Variants in ARHGAP6 observed in about 807,000 individuals in gnomAD.
The protein encoded by ARHGAP6 is rho GTPase-activating protein 6.
ARHGAP6 carries 16 observed loss-of-function variants against 55.7 expected under a neutral mutation model. The ratio of observed to expected loss-of-function variants is 0.29; its 90% confidence interval spans 0.19 to 0.44. The LOEUF is 0.44. Among genes scored for constraint, ARHGAP6 ranks in the 20% least tolerant of loss-of-function variants. The pLI is 1.00. For synonymous variants in ARHGAP6, 382 were observed against 360.9 expected, an observed-to-expected ratio of 1.06 and a Z score of -0.66; for missense variants, 698 against 808.9, an observed-to-expected ratio of 0.86 and a Z score of 1.66.
intron 1 of ARHGAP6, among the ~76,000 whole-genome samples, chrX:11,573,182 T>C (rs1271324371): frequency 9.0e-6 from 1 of 110,685 alleles, no homozygotes; most frequent in African/African-American, 3.3e-5. Flanking sequence ...AGAAGCTCTT[T>C]AGTTTAATTA....
chrX:11,577,705 G>A (rs1486614988), intron 1 of ARHGAP6, among the ~76,000 whole-genome samples: 1 of 111,644 alleles, frequency 9.0e-6, no homozygotes, highest in Non-Finnish European at 1.9e-5. Context: ...CCAGAATGGT[G>A]GTGTTGGTTG....
chrX:11,399,018 T>C (rs1178703494), intron 1 of ARHGAP6, among the ~76,000 whole-genome samples: 1 of 112,255 alleles, frequency 8.9e-6, no homozygotes, highest in East Asian at 2.8e-4. Context: ...AAGTTACTGC[T>C]AGAAATATTG....
chrX:11,288,600 C>T (rs942888770), intron 1 of ARHGAP6, among the ~76,000 whole-genome samples: 1 of 112,063 alleles, frequency 8.9e-6, no homozygotes, highest in Non-Finnish European at 1.9e-5. Flanking sequence ...CACTGTCTAA[C>T]TCCAGAACAT....
chrX:11,428,359 G>T (rs2049910701), intron 1 of ARHGAP6, among the ~76,000 whole-genome samples: 1 of 111,606 alleles, frequency 9.0e-6, no homozygotes, highest in African/African-American at 3.3e-5. Context: ...GTTCCAGGGG[G>T]GCTTGCAGGG....
At chrX:11,180,991 C>A (rs1484065139) in intron 6 of ARHGAP6, among the ~76,000 whole-genome samples, 4 of 112,425 alleles carry the variant, frequency 3.6e-5, no homozygotes, top group African/African-American at 6.5e-5. Context: ...GTTTCTTAAT[C>A]TCTATAAGCC....
At chrX:11,265,865 G>A (rs1055006655) in intron 1 of ARHGAP6, 9 of 949,664 alleles carry the variant, frequency 9.5e-6, no homozygotes, top group African/African-American at 6.2e-5. Flanking sequence ...TGACTCCCAC[G>A]ATACCTTTTG....
At chrX:11,444,654 G>T (rs1008047539) in intron 1 of ARHGAP6, among the ~76,000 whole-genome samples, 7 of 112,101 alleles carry the variant, frequency 6.2e-5, no homozygotes, top group Non-Finnish European at 1.9e-5. Flanking sequence ...GGTCCCACAT[G>T]ATTATCTTAC....
chrX:11,145,207 G>C (rs893354746), intron 10 of ARHGAP6: 4 of 112,072 alleles, frequency 3.6e-5, no homozygotes, highest in Non-Finnish European at 7.5e-5. Flanking sequence ...ACTAGTCTTT[G>C]CTCTCTTTTG....
chrX:11,336,929 G>A (rs1348577701), intron 1 of ARHGAP6, among the ~76,000 whole-genome samples: 1 of 111,363 alleles, frequency 9.0e-6, no homozygotes, highest in Non-Finnish European at 1.9e-5. Context: ...CTAAAAGTTA[G>A]TAAGTAATAT....
chrX:11,613,033 T>C (rs1451491382), intron 1 of ARHGAP6, among the ~76,000 whole-genome samples: 1 of 112,955 alleles, frequency 8.9e-6, no homozygotes, highest in Non-Finnish European at 1.9e-5. Flanking sequence ...CAGTGATCAC[T>C]GCCTGTAGCA....
chrX:11,251,261 C>T (rs2047419847), intron 2 of ARHGAP6, among the ~76,000 whole-genome samples: 1 of 111,571 alleles, frequency 9.0e-6, no homozygotes, highest in Admixed American at 9.5e-5. Context: ...GGAGTAAAAT[C>T]CCACGTGCCC....
intron 2 of ARHGAP6, among the ~76,000 whole-genome samples, chrX:11,206,217 C>A (rs2046702274): frequency 9.0e-6 from 1 of 111,717 alleles, no homozygotes. Flanking sequence ...ATTTTTTATT[C>A]ATTGATGATT....
intron 1 of ARHGAP6, among the ~76,000 whole-genome samples, chrX:11,584,655 C>T (rs1018892924): frequency 1.8e-5 from 2 of 111,306 alleles, no homozygotes; most frequent in Non-Finnish European, 3.8e-5. Context: ...TATGAATTGC[C>T]GTACTGTTTC....
At chrX:11,217,477 T>G (rs1212019076) in intron 2 of ARHGAP6, among the ~76,000 whole-genome samples, 1 of 112,583 alleles carries the variant, frequency 8.9e-6, no homozygotes, top group Non-Finnish European at 1.9e-5. Flanking sequence ...AATGACAAGC[T>G]TTTTTTCATA....
intron 1 of ARHGAP6, among the ~76,000 whole-genome samples, chrX:11,519,826 A>G (rs1184568010): frequency 9.4e-6 from 1 of 106,506 alleles, no homozygotes; most frequent in Non-Finnish European, 1.9e-5. Context: ...CACCTTACAC[A>G]AAAATCAATT....
chrX:11,285,501 C>A (rs753810476), intron 1 of ARHGAP6, among the ~76,000 whole-genome samples: 1 of 111,876 alleles, frequency 8.9e-6, no homozygotes, highest in East Asian at 2.8e-4. Flanking sequence ...ATAATGACAA[C>A]CTACTTGTAA....
intron 10 of ARHGAP6, among the ~76,000 whole-genome samples, chrX:11,153,246 G>C (rs143283477): frequency 0.013 from 1,426 of 110,710 alleles, 31 homozygotes; most frequent in African/African-American, 0.045. Context: ...TGAGAAGCAT[G>C]AGTGAGTGAG....
chrX:11,621,374 C>T (rs1301196474), intron 1 of ARHGAP6, among the ~76,000 whole-genome samples: 1 of 111,135 alleles, frequency 9.0e-6, no homozygotes, highest in Non-Finnish European at 1.9e-5. Context: ...GTTTAAAATA[C>T]TCAGGAAGAT....
intron 2 of ARHGAP6, among the ~76,000 whole-genome samples, chrX:11,243,251 A>G (rs528669635): frequency 3.6e-5 from 4 of 111,185 alleles, no homozygotes; most frequent in African/African-American, 6.5e-5. Flanking sequence ...ACTCACTGCA[A>G]TTCTTCCTTG....
Sources: gnomAD v4.1 joint callset for allele counts (sites outside exome capture counted in the v4.1 genomes callset) on GRCh38, gnomAD v4.1.1 for gene constraint, MANE v1.5 for transcripts, NCBI Gene and HGNC (gene_info 2026-07-23, HGNC 2026-07-21) for gene names.